DPY19L3: variants seen among roughly 807,000 people sequenced by gnomAD.
DPY19L3 encodes protein C-mannosyl-transferase DPY19L3.
Under a neutral mutation model 92.3 loss-of-function variants are expected in DPY19L3, and 51 were observed. The ratio of observed to expected loss-of-function variants is 0.55; its 90% confidence interval spans 0.44 to 0.70. The LOEUF is 0.70. Among genes scored for constraint, DPY19L3 ranks in the 30% least tolerant of loss-of-function variants. The probability of loss-of-function intolerance (pLI) is 0.00; values close to 1 mark genes in which losing one functional copy is unlikely to be tolerated. For missense variants in DPY19L3, 706 were observed against 855.9 expected (o/e 0.82, Z 2.18); for synonymous variants, 309 against 315.2 (o/e 0.98, Z 0.21).
Position 32,454,929 on chromosome 19 carries a change from T to A in DPY19L3, c.988-10T>A. 6.7e-7 allele frequency: 1 copy of A among 1,500,236 alleles called. No individual in the cohort carries two copies. The highest frequency in any genetic ancestry group is 9.0e-7 in the Non-Finnish European group (1 of 1,108,226). The allele number at this position is 1,500,236 out of a possible 1,614,324, so 92.9% of individuals were successfully genotyped here. A position where few individuals can be genotyped will look rare whatever the true frequency, so the allele number is the denominator to read the frequency against. ...CTTAAGAATTAAAACATAACTCTTT[T>A]AATTTCTAGAAAAATCTGAAAACTG... On this transcript the variant is annotated splice_polypyrimidine_tract_variant and intron_variant, in intron 9 of 18. Coordinates refer to ENST00000392250, the MANE Select transcript of DPY19L3 (RefSeq NM_001172774.2).
intron 15 of DPY19L3, among the ~76,000 whole-genome samples, chr19:32,466,496 G>A (rs932203238): frequency 2.6e-5 from 4 of 152,180 alleles, no homozygotes; most frequent in Admixed American, 1.3e-4. Context: ...GCTGCTCTGC[G>A]GCAGCTTCAG....
intron 3 of DPY19L3, among the ~76,000 whole-genome samples, chr19:32,414,090 C>G (rs1263749512): frequency 6.6e-6 from 1 of 151,968 alleles, no homozygotes; most frequent in Non-Finnish European, 1.5e-5. Flanking sequence ...TGAGACCAGC[C>G]TGGCCAACAT....
rs766743338 is a variant in DPY19L3, at chr19:32,481,982, C to T, written c.1990-97C>T. 1.6e-5 allele frequency: 21 copies of T among 1,330,472 alleles called. No individual in the cohort carries two copies. In the Admixed American group the frequency reaches 1.8e-4, roughly 11 times the overall value. The allele number at this position is 1,330,472 out of a possible 1,614,324, so 82.4% of individuals were successfully genotyped here. ...AAATAATATAATTTAATTTCACTCA[C>T]ATACCATTCTTAAACCCAATACCCA... On this transcript the variant is annotated intron_variant, in intron 18 of 18. Transcript: ENST00000392250.
intron 15 of DPY19L3, chr19:32,467,992 A>G (rs767591956): frequency 1.0e-6 from 1 of 984,978 alleles, no homozygotes; most frequent in Non-Finnish European, 1.2e-6. Context: ...TTTAAATATT[A>G]TTCTCTTTCA....
At chr19:32,445,212 C>T (rs1484280592) in intron 8 of DPY19L3, among the ~76,000 whole-genome samples, 1 of 151,408 alleles carries the variant, frequency 6.6e-6, no homozygotes, top group Admixed American at 6.6e-5. Flanking sequence ...GAGGCCGAGG[C>T]AGACGGATCA....
chr19:32,445,674 A>G (rs962046080), intron 8 of DPY19L3, among the ~76,000 whole-genome samples: 1 of 152,190 alleles, frequency 6.6e-6, no homozygotes, highest in Admixed American at 6.5e-5. Context: ...GTGAATAAAT[A>G]TAACAGACTT....
chr19:32,434,179 A>C (rs377164997), intron 4 of DPY19L3, among the ~76,000 whole-genome samples: 1 of 152,290 alleles, frequency 6.6e-6, no homozygotes, highest in East Asian at 1.9e-4. Context: ...GTACTTTCAC[A>C]GTCATTCATG....
At position 32,453,196 on chromosome 19, in the gene DPY19L3, C is replaced by T. The variant is rs759337098; in HGVS notation, c.907C>T (p.Leu303Phe). The change falls in exon 9 of 19, where the codon CTT (leucine) becomes TTT (phenylalanine). Residue 303 changes from leucine to phenylalanine, a missense_variant. Physicochemically the swap from Leu to Phe is conservative, Grantham distance 22. Coordinates refer to ENST00000392250, the MANE Select transcript of DPY19L3 (RefSeq NM_001172774.2). ...AACAAGTTTACTCCTGGTCTGCATTCTTCAGTTTTTTAATTCCATGATTCT... is the reference window on the plus strand; with the variant it reads ...AACAAGTTTACTCCTGGTCTGCATTTTTCAGTTTTTTAATTCCATGATTCT... ...QITSLLLVCI[L>F]QFFNSMILGS... 17 of 1,613,928 alleles carry T rather than the reference C, an allele frequency of 1.1e-5. No individual in the cohort carries two copies. Among genetic ancestry groups the T allele is most frequent in the Middle Eastern group, 3.3e-4 (2 of 6,054 alleles).
In DPY19L3 at chr19:32,482,335, A is replaced by T; in HGVS notation, c.*95A>T. On this transcript the variant is annotated 3_prime_UTR_variant, in exon 19 of 19. Transcript: ENST00000392250. ...GTTTCCTATGTAAGTAGGTAGCCCAAACCTTCAAGCTGTGATATGAGTAAG... is the reference window on the plus strand; with the variant it reads ...GTTTCCTATGTAAGTAGGTAGCCCATACCTTCAAGCTGTGATATGAGTAAG... 1 of 1,423,728 alleles carries T rather than the reference A, an allele frequency of 7.0e-7. No homozygotes were observed. The highest frequency in any genetic ancestry group is 9.6e-7 in the Non-Finnish European group (1 of 1,046,336). 88.2% of individuals were successfully genotyped at this position (1,423,728 alleles called of 1,614,324 possible).
Position 32,409,336 on chromosome 19 carries a change from CTTA to C in DPY19L3, c.103+985_103+987del, listed in dbSNP as rs149397827. 5.9e-5 allele frequency among the ~76,000 whole-genome samples: 9 copies of C among 152,266 alleles called. No individual in the cohort carries two copies. In the East Asian group the frequency reaches 1.5e-3, roughly 26 times the overall value. ...CTGTTTTGTAGCTTGCTATTTTTCT[CTTA>C]TTATGTTATGAACATGTCATAAGCC... On this transcript the variant is annotated intron_variant, in intron 2 of 18. Transcript: ENST00000392250.
intron 3 of DPY19L3, among the ~76,000 whole-genome samples, chr19:32,414,352 C>T (rs1209175098): frequency 6.6e-6 from 1 of 151,120 alleles, no homozygotes; most frequent in Non-Finnish European, 1.5e-5. Flanking sequence ...ACCTGGGAGG[C>T]GGAGCTTGCA....
intron 12 of DPY19L3, among the ~76,000 whole-genome samples, chr19:32,459,075 G>A (rs1438482516): frequency 6.6e-6 from 1 of 152,002 alleles, no homozygotes; most frequent in Non-Finnish European, 1.5e-5. Context: ...TCTTGCTTCA[G>A]GGCTCATAAT....
At chr19:32,470,781 CTT>C (rs71336911) in intron 16 of DPY19L3, among the ~76,000 whole-genome samples, 37 of 91,210 alleles carry the variant, frequency 4.1e-4, no homozygotes, top group South Asian at 8.8e-4. Flanking sequence ...ATTCCTTTGG[CTT>C]TTTTTTTTTT....
At chr19:32,476,632 C>G (rs967606824) in intron 16 of DPY19L3, among the ~76,000 whole-genome samples, 2 of 151,276 alleles carry the variant, frequency 1.3e-5, no homozygotes, top group Non-Finnish European at 2.9e-5. Flanking sequence ...TTCTGGGAGT[C>G]TTTTCTTGGT....
At chr19:32,407,264 T>TCCCCCCCCCCCCCCC (rs148363125) in intron 1 of DPY19L3, among the ~76,000 whole-genome samples, 6 of 81,312 alleles carry the variant, frequency 7.4e-5, no homozygotes, top group Non-Finnish European at 1.2e-4. Flanking sequence ...AGGCTCCTGC[T>TCCCCCCCCCCCCCCC]CCCCCCCACC....
At chr19:32,414,845 C>G (rs140934566) in intron 3 of DPY19L3, among the ~76,000 whole-genome samples, 24 of 152,242 alleles carry the variant, frequency 1.6e-4, no homozygotes, top group African/African-American at 5.8e-4. Context: ...AATAAATACA[C>G]CCCATCATCA....
Position 32,439,202 on chromosome 19 carries a change from T to C in DPY19L3, c.687T>C (p.Tyr229=), listed in dbSNP as rs751330815. The C allele has an allele frequency of 1.2e-6, 2 of 1,613,708 alleles. No individual in the cohort carries two copies. The highest frequency in any genetic ancestry group is 2.2e-5 in the South Asian group (2 of 91,034). ...FFAIQIAAIT[Y]FLRPNLQPLS... ...CAATTCAGATAGCAGCAATTACATA[T>C]TTCCTGAGACCAAACTTACAGCCTC... Residue 229 remains tyrosine, a synonymous_variant, in exon 7 of 19, where the codon TAT becomes TAC. Coordinates refer to ENST00000392250, the MANE Select transcript of DPY19L3 (RefSeq NM_001172774.2).
intron 4 of DPY19L3, among the ~76,000 whole-genome samples, 188 bp from the exon 5 acceptor site, chr19:32,436,258 G>A (rs957541243): frequency 6.6e-6 from 1 of 152,198 alleles, no homozygotes. Flanking sequence ...TTGTGTAAAT[G>A]TTTAAATGAT....
chr19:32,432,567 C>T lies in DPY19L3; in HGVS notation c.238-149C>T, dbSNP rs1055295746. 11 of 578,938 alleles carry T rather than the reference C, an allele frequency of 1.9e-5. No individual in the cohort carries two copies. In the African/African-American group the frequency reaches 2.1e-4, roughly 11 times the overall value. The allele number at this position is 578,938 out of a possible 1,614,324, so 35.9% of individuals were successfully genotyped here. A position where few individuals can be genotyped will look rare whatever the true frequency, so the allele number is the denominator to read the frequency against. ...TCACTCAGCTTTAACAGTGATCAGCCTTCCATTCTTGTTTGCCAAGATTTT... is the reference window on the plus strand; with the variant it reads ...TCACTCAGCTTTAACAGTGATCAGCTTTCCATTCTTGTTTGCCAAGATTTT... On this transcript the variant is annotated intron_variant, in intron 3 of 18. Coordinates refer to ENST00000392250, the MANE Select transcript of DPY19L3 (RefSeq NM_001172774.2).
Sources: allele counts gnomAD v4.1 joint callset (sites outside exome capture counted in the v4.1 genomes callset), GRCh38; gene constraint gnomAD v4.1.1; transcripts MANE v1.5; gene names NCBI Gene and HGNC (gene_info 2026-07-23, HGNC 2026-07-21).